Variants in C6orf120 observed in about 807,000 individuals in gnomAD.
C6orf120 encodes the protein chromosome 6 open reading frame 120.
For synonymous variants in C6orf120, 165 were observed against 123.1 expected (o/e 1.34, Z -2.25); for missense variants, 311 against 264.2 (o/e 1.18, Z -1.23).
chr6:169,702,963 G>T (rs772348701), exon 1 of C6orf120: 1 of 1,606,164 alleles, frequency 6.2e-7, no homozygotes, highest in Non-Finnish European at 8.5e-7. Flanking sequence ...AAGACGCCTC[G>T]CAAGAGGAGG....
downstream of C6orf120, chr6:169,705,186 A>ATATC: frequency 6.2e-7 from 1 of 1,613,652 alleles, no homozygotes; most frequent in South Asian, 1.1e-5. Context: ...TCTGTCACAC[A>ATATC]TATCACAGAA....
chr6:169,704,410 T>C, exon 1 of C6orf120: 2 of 283,166 alleles, frequency 7.1e-6, no homozygotes, highest in South Asian at 1.3e-4. Flanking sequence ...ATTCCGGAAT[T>C]TGGCTTTTTT....
At chr6:169,703,935 A>C in exon 1 of C6orf120, 1 of 1,268,368 alleles carries the variant, frequency 7.9e-7, no homozygotes, top group Non-Finnish European at 1.1e-6. Flanking sequence ...TTGGCATGAA[A>C]ATAATGTTGT....
At chr6:169,702,312 G>A in exon 1 of C6orf120, 1 of 656,718 alleles carries the variant, frequency 1.5e-6, no homozygotes, top group Non-Finnish European at 2.7e-6. Context: ...TCACGCGGGT[G>A]GGAAGGGACA....
At chr6:169,703,063 A>ACCCT (rs1788508107) in exon 1 of C6orf120, 2 of 1,532,282 alleles carry the variant, frequency 1.3e-6, no homozygotes, top group Non-Finnish European at 8.8e-7. Context: ...GGGATATAAA[A>ACCCT]CCCTCCATCT....
chr6:169,704,105 TAATATA>T, exon 1 of C6orf120: 1 of 1,564,508 alleles, frequency 6.4e-7, no homozygotes, highest in Non-Finnish European at 8.6e-7. Context: ...AAAAAATTGT[TAATATA>T]GAATGAAAAA....
exon 1 of C6orf120, chr6:169,702,693 G>C: frequency 1.9e-6 from 3 of 1,613,498 alleles, no homozygotes; most frequent in South Asian, 1.1e-5. Flanking sequence ...ATGCGGATCT[G>C]TACGTCTCCG....
Position 169,702,979 on chromosome 6 carries a change from G to A in C6orf120, c.520G>A (p.Val174Ile), listed in dbSNP as rs373615188. 117 of 1,597,886 alleles carry A rather than the reference G, an allele frequency of 7.3e-5. 1 individual carries two copies. In the Middle Eastern group the frequency reaches 1.8e-3, roughly 25 times the overall value. The change falls in exon 1 of 1, where the codon GTT becomes ATT. Residue 174 changes from valine to isoleucine, a missense_variant. Physicochemically the swap from Val to Ile is conservative, Grantham distance 29 (BLOSUM62 3). Transcript: ENST00000332290. ...AGACGCCTCGCAAGAGGAGGAATCTGTTCTCTGGACGATATTAATTAGCAT... is the reference window on the plus strand; with the variant it reads ...AGACGCCTCGCAAGAGGAGGAATCTATTCTCTGGACGATATTAATTAGCAT...
downstream of C6orf120, chr6:169,705,572 T>A (rs747289621): frequency 3.0e-5 from 31 of 1,028,990 alleles, no homozygotes; most frequent in Non-Finnish European, 4.0e-5. Flanking sequence ...TTTGAACCAA[T>A]AAATACGGTG....
exon 1 of C6orf120, chr6:169,702,380 G>T (rs1788345899): frequency 2.3e-6 from 2 of 871,064 alleles, no homozygotes. Context: ...GGACGGCGGG[G>T]ACAGGCTCCG....
At position 169,703,980 on chromosome 6, in the gene C6orf120, C is replaced by T. The variant is rs572743188; in HGVS notation, c.*945C>T. 6.6e-6 allele frequency: 10 copies of T among 1,522,986 alleles called. No individual in the cohort carries two copies. In the Admixed American group the frequency reaches 8.0e-5, roughly 12 times the overall value. 94.3% of individuals were successfully genotyped at this position (1,522,986 alleles called of 1,614,324 possible). A position where few individuals can be genotyped will look rare whatever the true frequency, so the allele number is the denominator to read the frequency against. On this transcript the variant is annotated 3_prime_UTR_variant, in exon 1 of 1. Transcript: ENST00000332290. Reference sequence around the variant, plus strand: ...CAAATATTCCACTTAAATGCATATACAGTATTAGAGTCAAAAACTATTTTA... The same window carrying T: ...CAAATATTCCACTTAAATGCATATATAGTATTAGAGTCAAAAACTATTTTA...
At chr6:169,705,500 C>T (rs945827113), downstream of C6orf120, 1 of 746,968 alleles carries the variant, frequency 1.3e-6, no homozygotes, top group East Asian at 2.6e-5. Context: ...TCACAAGCTA[C>T]CCTGTGTATT....
chr6:169,702,636 G>A (rs1788409768), exon 1 of C6orf120: 3 of 1,613,382 alleles, frequency 1.9e-6, no homozygotes, highest in Non-Finnish European at 2.5e-6. Context: ...ACCTGCGGCT[G>A]AACCACGAGG....
exon 1 of C6orf120, chr6:169,703,663 A>C: frequency 7.3e-6 from 2 of 272,540 alleles, no homozygotes; most frequent in South Asian, 1.7e-4. Context: ...TTATTAAATA[A>C]CTTTGTCAGT....
exon 1 of C6orf120, chr6:169,703,849 G>A (rs1431349182): frequency 1.3e-5 from 8 of 607,100 alleles, no homozygotes; most frequent in Non-Finnish European, 2.0e-5. Flanking sequence ...CCTGGAGTTA[G>A]TTTCGAGAGT....
downstream of C6orf120, chr6:169,705,504 G>T: frequency 2.7e-6 from 2 of 754,546 alleles, no homozygotes; most frequent in Non-Finnish European, 2.3e-6. Context: ...AAGCTACCCT[G>T]TGTATTTAAT....
rs1788506621 is a variant in C6orf120, at chr6:169,703,060, A to G, written c.*25A>G. ...AGTCGTTGACCACACTCTGGGATAT[A>G]AAACCCTCCATCTGTGAAGCTGATT... On this transcript the variant is annotated 3_prime_UTR_variant, in exon 1 of 1. Transcript: ENST00000332290. 5.9e-6 allele frequency: 9 copies of G among 1,535,960 alleles called. No individual in the cohort carries two copies. The East Asian group carries it at 1.2e-4, about 21-fold the overall frequency.
At chr6:169,705,186 A>G (rs1182368085), downstream of C6orf120, 6 of 1,613,652 alleles carry the variant, frequency 3.7e-6, no homozygotes, top group Non-Finnish European at 4.2e-6. Context: ...TCTGTCACAC[A>G]TATCACAGAA....
downstream of C6orf120, chr6:169,704,946 T>C (rs375749587): frequency 1.0e-4 from 44 of 430,628 alleles, no homozygotes; most frequent in Admixed American, 4.6e-4. Flanking sequence ...CTTTCACTTA[T>C]CCTTTAGTTG....
Sources: gnomAD v4.1 joint callset for allele counts on GRCh38, gnomAD v4.1.1 for gene constraint, MANE v1.5 for transcripts, NCBI Gene and HGNC (gene_info 2026-07-23, HGNC 2026-07-21) for gene names.